Variants in CAST observed in about 807,000 individuals in gnomAD.
CAST encodes calpastatin.
A neutral mutation model predicts 119.6 loss-of-function variants in CAST; 76 were observed. The ratio of observed to expected loss-of-function variants is 0.64; its 90% CI spans 0.53 to 0.77. The LOEUF is 0.77. Among genes scored for constraint, CAST ranks in the 30% least tolerant of loss-of-function variants. CAST has a pLI of 0.00. For synonymous variants in CAST, 319 were observed against 331.6 expected (o/e 0.96, Z 0.41); for missense variants, 953 against 946.5 (o/e 1.01, Z -0.09).
intron 2 of CAST, among the ~76,000 whole-genome samples, chr5:96,681,776 A>G (rs1580947879): frequency 1.3e-5 from 2 of 150,994 alleles, no homozygotes; most frequent in Admixed American, 1.3e-4. Flanking sequence ...GTACTTATAT[A>G]TTAATATGTG....
intron 3 of CAST, among the ~76,000 whole-genome samples, chr5:96,702,002 A>T (rs762378223): frequency 6.6e-6 from 1 of 152,098 alleles, no homozygotes; most frequent in Non-Finnish European, 1.5e-5. Context: ...ACAAAGCTGT[A>T]TGGATGAGTT....
the CAST span, among the ~76,000 whole-genome samples, chr5:96,411,660 C>T: frequency 3.3e-5 from 5 of 152,136 alleles, no homozygotes; most frequent in Admixed American, 1.3e-4. Flanking sequence ...TGGAAGAAGA[C>T]TGAGTAGTTT....
the CAST span, among the ~76,000 whole-genome samples, chr5:96,046,727 C>A: frequency 6.6e-6 from 1 of 152,136 alleles, no homozygotes; most frequent in African/African-American, 2.4e-5. Context: ...TAAAGACATA[C>A]CTGAGACTGA....
intron 9 of CAST, among the ~76,000 whole-genome samples, chr5:96,731,144 C>G (rs1760393289): frequency 6.6e-6 from 1 of 152,308 alleles, no homozygotes; most frequent in East Asian, 1.9e-4. Flanking sequence ...CTCTCCCTTC[C>G]AAATGTATAG....
chr5:96,273,115 T>C, the CAST span, among the ~76,000 whole-genome samples: 1 of 152,210 alleles, frequency 6.6e-6, no homozygotes, highest in Non-Finnish European at 1.5e-5. Context: ...AGAGAAGAAC[T>C]TGTCTTGATG....
At chr5:96,506,027 C>T in the CAST span, among the ~76,000 whole-genome samples, 3 of 152,222 alleles carry the variant, frequency 2.0e-5, no homozygotes, top group Non-Finnish European at 4.4e-5. Context: ...TTTATTTCTG[C>T]TACCTACAAG....
the CAST span, among the ~76,000 whole-genome samples, chr5:96,020,405 G>A: frequency 1.2e-4 from 18 of 151,574 alleles, no homozygotes; most frequent in Middle Eastern, 3.4e-3. Context: ...CACAACCCCC[G>A]GGCCACAGAC....
chr5:96,668,693 T>G (rs1749658955), intron 1 of CAST, among the ~76,000 whole-genome samples: 2 of 152,174 alleles, frequency 1.3e-5, no homozygotes, highest in Non-Finnish European at 2.9e-5. Flanking sequence ...TCATATAGCC[T>G]TACAAATCTA....
At chr5:96,138,391 A>G in the CAST span, among the ~76,000 whole-genome samples, 1 of 151,970 alleles carries the variant, frequency 6.6e-6, no homozygotes, top group Non-Finnish European at 1.5e-5. Flanking sequence ...ATAGCTTTAT[A>G]TTAAGGCTTT....
chr5:96,513,865 G>A, the CAST span, among the ~76,000 whole-genome samples: 1 of 152,152 alleles, frequency 6.6e-6, no homozygotes, highest in Admixed American at 6.5e-5. Flanking sequence ...CAAGATGTCT[G>A]CAGGACCATG....
chr5:96,051,222 G>C, the CAST span, among the ~76,000 whole-genome samples: 33 of 151,246 alleles, frequency 2.2e-4, no homozygotes, highest in South Asian at 1.0e-3. Context: ...GTGACACACA[G>C]AGAGAGAGAG....
chr5:96,224,323 A>C, the CAST span, among the ~76,000 whole-genome samples: 23 of 152,260 alleles, frequency 1.5e-4, 1 homozygote, highest in Middle Eastern at 6.8e-3. Flanking sequence ...TATAATGGCC[A>C]CCCAAAGATA....
At chr5:96,619,676 G>A (rs986990667) in intron 1 of CAST, among the ~76,000 whole-genome samples, 2 of 152,188 alleles carry the variant, frequency 1.3e-5, no homozygotes, top group African/African-American at 4.8e-5. Flanking sequence ...TAACCCACCA[G>A]AAGGAAGCAA....
the CAST span, among the ~76,000 whole-genome samples, chr5:96,086,439 T>C: frequency 6.6e-6 from 1 of 152,222 alleles, no homozygotes; most frequent in Non-Finnish European, 1.5e-5. Flanking sequence ...TTCTAAAGCG[T>C]TGGGAAATAT....
chr5:96,447,490 TCACA>T, the CAST span, among the ~76,000 whole-genome samples: 2 of 152,002 alleles, frequency 1.3e-5, no homozygotes, highest in African/African-American at 4.8e-5. Context: ...ATCCACACAC[TCACA>T]CACATCCACA....
At chr5:96,656,073 T>C (rs1370096204) in intron 1 of CAST, among the ~76,000 whole-genome samples, 2 of 152,248 alleles carry the variant, frequency 1.3e-5, no homozygotes, top group Non-Finnish European at 2.9e-5. Context: ...ACATTATTCA[T>C]TGTTTTTACC....
At chr5:96,115,822 G>A in the CAST span, among the ~76,000 whole-genome samples, 1 of 152,022 alleles carries the variant, frequency 6.6e-6, no homozygotes, top group Non-Finnish European at 1.5e-5. Context: ...AGGACACCTC[G>A]AATCTGTTAC....
intron 1 of CAST, among the ~76,000 whole-genome samples, chr5:96,594,849 G>C (rs1485726409): frequency 1.3e-5 from 2 of 152,048 alleles, no homozygotes; most frequent in Non-Finnish European, 2.9e-5. Context: ...ATTATTCCTG[G>C]TGTTTACATA....
At chr5:96,730,718 A>G (rs1760279325) in intron 8 of CAST, 62 bp from the exon 9 acceptor site, 3 of 1,203,956 alleles carry the variant, frequency 2.5e-6, no homozygotes, top group Non-Finnish European at 3.7e-6. Context: ...GAAACTCATG[A>G]TCTTGATAAT....
Sources: gnomAD v4.1 joint callset for allele counts (sites outside exome capture counted in the v4.1 genomes callset) on GRCh38, gnomAD v4.1.1 for gene constraint, MANE v1.5 for transcripts, NCBI Gene and HGNC (gene_info 2026-07-23, HGNC 2026-07-21) for gene names.